Variants in SYNE2 observed in about 807,000 individuals in gnomAD.
The protein encoded by SYNE2 is nesprin-2.
Under a neutral mutation model 856.3 loss-of-function variants are expected in SYNE2, and 431 were observed. The ratio of observed to expected loss-of-function variants is 0.50; its 90% CI spans 0.47 to 0.55. SYNE2 has a LOEUF of 0.55. Ranked by LOEUF, SYNE2 falls within the 20% of genes least tolerant of loss-of-function variation. The pLI is 0.00. For synonymous variants in SYNE2, 2,923 were observed against 2,872.3 expected, an observed-to-expected ratio of 1.02 and a Z score of -0.56; for missense variants, 8,129 against 8,023.2, an observed-to-expected ratio of 1.01 and a Z score of -0.50.
chr14:64,136,423 C>CG (rs747310886), intron 78 of SYNE2, among the ~76,000 whole-genome samples: 12 of 145,514 alleles, frequency 8.2e-5, no homozygotes, highest in Admixed American at 6.2e-4. Flanking sequence ...TGCTCAGACA[C>CG]GGGGGGGAGG....
chr14:63,964,426 A>G (rs1221667468), intron 10 of SYNE2, among the ~76,000 whole-genome samples: 1 of 152,268 alleles, frequency 6.6e-6, no homozygotes, highest in Admixed American at 6.5e-5. Context: ...GATAGAGACC[A>G]TATGGCCTGA....
At chr14:64,094,071 G>A (rs996009308) in intron 61 of SYNE2, among the ~76,000 whole-genome samples, 3 of 151,946 alleles carry the variant, frequency 2.0e-5, no homozygotes, top group South Asian at 4.2e-4. Context: ...GGTGGCTCAC[G>A]CCTGTAATCC....
At chr14:63,774,022 C>T (rs1566558139) in intron 1 of SYNE2, among the ~76,000 whole-genome samples, 1 of 152,184 alleles carries the variant, frequency 6.6e-6, no homozygotes. Context: ...ACGTTTCCCT[C>T]ATTGTACAGT....
intron 70 of SYNE2, 100 bp from the exon 71 acceptor site, chr14:64,124,979 G>A (rs1248148258): frequency 3.6e-5 from 54 of 1,481,720 alleles, no homozygotes; most frequent in Non-Finnish European, 4.7e-5. Flanking sequence ...CTCCAGCCTG[G>A]GCGACAGAGC....
intron 65 of SYNE2, chr14:64,113,079 G>T: frequency 1.0e-6 from 1 of 985,370 alleles, no homozygotes. Context: ...GGCTCACCGG[G>T]TAGTGAACTG....
At position 64,126,589 on chromosome 14, in the gene SYNE2, C is replaced by T. The variant is rs780455758; in HGVS notation, c.13708-9C>T. 4 of 1,614,088 alleles carry T rather than the reference C, an allele frequency of 2.5e-6. No individual in the cohort carries two copies. In the African/African-American group the frequency reaches 5.3e-5, roughly 22 times the overall value. ...GCTCATTCATTGTCTTCCTTCCTCT[C>T]CACTCCAGACGCTGGCTCTTGAGTT... is the stretch of plus-strand genomic sequence containing the variant. On this transcript the variant is annotated splice_polypyrimidine_tract_variant and intron_variant, in intron 72 of 115. Transcript: ENST00000555002.
chr14:63,992,520 A>T (rs1261387095), intron 21 of SYNE2, among the ~76,000 whole-genome samples: 1 of 152,092 alleles, frequency 6.6e-6, no homozygotes, highest in Non-Finnish European at 1.5e-5. Flanking sequence ...GCCTCAAGTG[A>T]TCCTCCCATG....
intron 35 of SYNE2, among the ~76,000 whole-genome samples, chr14:64,020,789 A>G (rs981938780): frequency 3.3e-5 from 5 of 152,174 alleles, no homozygotes; most frequent in Admixed American, 6.5e-5. Flanking sequence ...TTTTTCTTAG[A>G]TCTAGGTACA....
chr14:64,218,390 C>CTAA lies in SYNE2; in HGVS notation c.19543-8_19543-7insTAA. 1 of 1,613,528 alleles carries CTAA rather than the reference C, an allele frequency of 6.2e-7. No homozygotes were observed. Among genetic ancestry groups the CTAA allele is most frequent in the South Asian group, 1.1e-5 (1 of 90,926 alleles). On this transcript the variant is annotated splice_polypyrimidine_tract_variant and splice_region_variant and intron_variant, in intron 108 of 115. Coordinates refer to ENST00000555002, the MANE Select transcript of SYNE2 (RefSeq NM_182914.3). ...ACAGATGGTAACTTAAAAACTGGCTCATTCTAGGGAAAGCTACTATTACCT... is the reference window on the plus strand; with the variant it reads ...ACAGATGGTAACTTAAAAACTGGCTCTAAATTCTAGGGAAAGCTACTATTACCT...
chr14:64,117,652 A>G lies in SYNE2; in HGVS notation c.12841-1775A>G, dbSNP rs189302012. Among the ~76,000 whole-genome samples, 118 of 152,344 alleles carry G rather than the reference A, an allele frequency of 7.7e-4. 3 individuals carry two copies. The highest frequency in any genetic ancestry group is 2.6e-4 in the Non-Finnish European group (18 of 68,026). ...CATATCCTGAAGGTTATTTTATATA[A>G]TAACTTTAATAATTTTATACATGAA... On this transcript the variant is annotated intron_variant, in intron 66 of 115. Transcript: ENST00000555002.
At position 63,940,047 on chromosome 14, in the gene SYNE2, A is replaced by G. The variant is rs999541895; in HGVS notation, c.80-567A>G. On this transcript the variant is annotated intron_variant, in intron 2 of 115. Transcript: ENST00000555002. The stretch of plus-strand genomic sequence containing the variant: ...TCACAGTTCTTTGTACAGTACTGTC[A>G]AGGTGGTATAGGGTCTCAGTTCATT... Among the ~76,000 whole-genome samples the G allele has an allele frequency of 7.3e-5, 11 of 149,678 alleles. No individual in the cohort carries two copies. In the East Asian group the frequency reaches 2.1e-3, roughly 29 times the overall value.
At chr14:64,000,870 G>A in intron 28 of SYNE2, 151 bp downstream of exon 28, 1 of 716,134 alleles carries the variant, frequency 1.4e-6, no homozygotes, top group Non-Finnish European at 2.3e-6. Flanking sequence ...ATTGCATTTT[G>A]CTGATAAGGA....
In SYNE2 at chr14:64,208,745, G is replaced by T. The variant is rs533536461; in HGVS notation, c.18202-13G>T. ...AACATCTCAAGAGGTTTCTTACTCT[G>T]TTGTAATCACAGGATCTACAGCGAG... On this transcript the variant is annotated splice_polypyrimidine_tract_variant and intron_variant, in intron 100 of 115. Coordinates refer to ENST00000555002, the MANE Select transcript of SYNE2 (RefSeq NM_182914.3). 3.1e-6 allele frequency: 5 copies of T among 1,614,188 alleles called. No homozygotes were observed. The highest frequency in any genetic ancestry group is 3.3e-5 in the Admixed American group (2 of 60,028).
chr14:63,837,468 T>A, intron 1 of SYNE2, among the ~76,000 whole-genome samples: 1 of 152,248 alleles, frequency 6.6e-6, no homozygotes, highest in Middle Eastern at 3.4e-3. Flanking sequence ...AATGAAAAAC[T>A]TTTGTACTTC....
At position 64,177,341 on chromosome 14, in the gene SYNE2, A is replaced by G. The variant is rs768625656; in HGVS notation, c.17431-17A>G. The G allele has an allele frequency of 1.2e-6, 2 of 1,614,162 alleles. No homozygotes were observed. The highest frequency in any genetic ancestry group is 1.6e-4 in the Middle Eastern group (1 of 6,062). On this transcript the variant is annotated splice_polypyrimidine_tract_variant and intron_variant, in intron 95 of 115. Transcript: ENST00000555002. ...AAGAGCAAAATACTTACCAGTTTTAATCTTGTTTTCAAATAGACCTGGGAC... is the reference window on the plus strand; with the variant it reads ...AAGAGCAAAATACTTACCAGTTTTAGTCTTGTTTTCAAATAGACCTGGGAC...
intron 85 of SYNE2, among the ~76,000 whole-genome samples, chr14:64,158,318 C>T (rs561633141): frequency 1.3e-5 from 2 of 152,326 alleles, no homozygotes; most frequent in African/African-American, 4.8e-5. Context: ...TAGAATATAA[C>T]TGAACCTTGC....
At position 63,806,699 on chromosome 14, in the gene SYNE2, AT is replaced by A. The variant is rs147773732; in HGVS notation, c.-305+44715del. Reference sequence around the variant, plus strand: ...ATAATAGTTTTTGAGGGCTTTTTGTATTGCTTTCTTTTTTTAAAATTTAACA... The same window carrying A: ...ATAATAGTTTTTGAGGGCTTTTTGTATGCTTTCTTTTTTTAAAATTTAACA... On this transcript the variant is annotated intron_variant, in intron 1 of 23. Transcript: ENST00000674003. 5.3e-4 allele frequency among the ~76,000 whole-genome samples: 80 copies of A among 151,866 alleles called. No individual in the cohort carries two copies. The East Asian group carries it at 0.014, about 26-fold the overall frequency.
At chr14:63,955,040 G>A (rs2153436934) in intron 8 of SYNE2, 125 bp downstream of exon 8, 1 of 778,488 alleles carries the variant, frequency 1.3e-6, no homozygotes, top group Non-Finnish European at 2.1e-6. Flanking sequence ...TTTAACTTAA[G>A]CTCTTTATCG....
chr14:63,869,395 G>T (rs1238782468), intron 1 of SYNE2, among the ~76,000 whole-genome samples: 1 of 152,066 alleles, frequency 6.6e-6, no homozygotes, highest in African/African-American at 2.4e-5. Context: ...GGAGGCCGAG[G>T]TGGATCTCCT....
Sources: allele counts gnomAD v4.1 joint callset (sites outside exome capture counted in the v4.1 genomes callset), GRCh38; gene constraint gnomAD v4.1.1; transcripts MANE v1.5; gene names NCBI Gene and HGNC (gene_info 2026-07-23, HGNC 2026-07-21).